The following EBI3 variants were observed in gnomAD, a reference collection of about 807,000 sequenced individuals.
EBI3 encodes interleukin-27 subunit beta.
In EBI3, 19 loss-of-function variants were observed where a neutral mutation model predicts 21.3. That is an observed-to-expected ratio of 0.89 (90% CI 0.62 to 1.31). EBI3 has a LOEUF of 1.31. Ranked by LOEUF, EBI3 falls within the 50% of genes most tolerant of loss-of-function variation. The pLI is 0.00. For synonymous variants in EBI3, 154 were observed against 131.2 expected, an observed-to-expected ratio of 1.17 and a Z score of -1.19; for missense variants, 331 against 314.0, an observed-to-expected ratio of 1.05 and a Z score of -0.41.
chr19:4,232,763 TGAAGGAATGAATTAATGAATG>T (rs1970798341), intron 2 of EBI3, among the ~76,000 whole-genome samples: 1 of 35,898 alleles, frequency 2.8e-5, no homozygotes, highest in South Asian at 1.0e-3. Flanking sequence ...AATGAATGAA[TGAAGGAATGAATTAATGAATG>T]AATGAAGGAA....
chr19:4,234,544 C>A (rs1010780064), intron 3 of EBI3, 123 bp from the exon 4 acceptor site: 2 of 1,450,006 alleles, frequency 1.4e-6, no homozygotes, highest in African/African-American at 2.8e-5. Context: ...GCCTGGGTGA[C>A]AGAGTGAGAC....
At position 4,233,318 on chromosome 19, in the gene EBI3, G is replaced by C. The variant is rs774560043; in HGVS notation, c.379+11G>C. The C allele has an allele frequency of 1.3e-6, 2 of 1,581,276 alleles. No individual in the cohort carries two copies. The highest frequency in any genetic ancestry group is 1.7e-6 in the Non-Finnish European group (2 of 1,165,804). ...TAACAGAGCACATCAGTGAGTGGGG[G>C]CGGCAGTGGGGGCGGGGGCGGGGCT... is the stretch of plus-strand genomic sequence containing the variant. On this transcript the variant is annotated intron_variant, in intron 3 of 4. Coordinates refer to ENST00000221847, the MANE Select transcript of EBI3 (RefSeq NM_005755.3).
Position 4,233,224 on chromosome 19 carries a change from T to A in EBI3, c.296T>A (p.Met99Lys), listed in dbSNP as rs1970807127. 2 of 1,611,716 alleles carry A rather than the reference T, an allele frequency of 1.2e-6. No homozygotes were observed. Among genetic ancestry groups the A allele is most frequent in the Non-Finnish European group, 1.7e-6 (2 of 1,179,262 alleles). Residue 99 changes from methionine (M) to lysine (K), a missense_variant, in exon 3 of 5, where the codon ATG becomes AAG. Physicochemically the swap from Met to Lys is moderately conservative, Grantham distance 95. Transcript: ENST00000221847. ...ATCACGGATGTCCAGCTGTTCTCCA[T>A]GGCTCCCTACGTGCTCAATGTCACC... ...CTITDVQLFS[M>K]APYVLNVTAV...
chr19:4,231,880 A>G (rs1051689230), intron 2 of EBI3, among the ~76,000 whole-genome samples: 5 of 151,996 alleles, frequency 3.3e-5, no homozygotes, highest in Admixed American at 6.6e-5. Flanking sequence ...CAGGAGTTTG[A>G]GTCCAGCTTG....
In EBI3 at chr19:4,236,992, G is replaced by A; in HGVS notation, c.594G>A (p.Arg198=). ...FILRAVRPRA[R]YYVQVAAQDL... is the part of the protein sequence containing the mutation. ...TCAGGGCTGTGCGGCCCCGAGCCAGGTACTACGTCCAAGTGGCGGCTCAGG... is the reference window on the plus strand; with the variant it reads ...TCAGGGCTGTGCGGCCCCGAGCCAGATACTACGTCCAAGTGGCGGCTCAGG... The change falls in exon 5 of 5, where the codon AGG becomes AGA. Residue 198 remains arginine, a synonymous_variant. Coordinates refer to ENST00000221847, the MANE Select transcript of EBI3 (RefSeq NM_005755.3). 1 of 1,583,482 alleles carries A rather than the reference G, an allele frequency of 6.3e-7. No homozygotes were observed. Among genetic ancestry groups the A allele is most frequent in the Non-Finnish European group, 8.6e-7 (1 of 1,161,614 alleles).
chr19:4,233,341 G>T lies in EBI3; in HGVS notation c.379+34G>T, dbSNP rs1370825669. 4 of 1,526,698 alleles carry T rather than the reference G, an allele frequency of 2.6e-6. No individual in the cohort carries two copies. In the East Asian group the frequency reaches 9.6e-5, roughly 37 times the overall value. The allele number at this position is 1,526,698 out of a possible 1,614,324, so 94.6% of individuals were successfully genotyped here. ...GGGCGGCAGTGGGGGCGGGGGCGGG[G>T]CTGCCGTCTCCTTCCAGCTCCCCCC... On this transcript the variant is annotated intron_variant, in intron 3 of 4. Coordinates refer to ENST00000221847, the MANE Select transcript of EBI3 (RefSeq NM_005755.3).
In EBI3 at chr19:4,234,787, TCCGTTA is replaced by T. The variant is rs772279083; in HGVS notation, c.502_507del (p.Arg168_Tyr169del). ...GAGATCTTCTCACTGAAGTACTGGA[TCCGTTA>T]CAAGCGTCAGGGAGCTGCGCGCTTC... On this transcript the variant is annotated inframe_deletion, in exon 4 of 5. Coordinates refer to ENST00000221847, the MANE Select transcript of EBI3 (RefSeq NM_005755.3). The T allele has an allele frequency of 5.6e-6, 9 of 1,614,116 alleles. No individual in the cohort carries two copies. Among genetic ancestry groups the T allele is most frequent in the Non-Finnish European group, 7.6e-6 (9 of 1,180,004 alleles).
intron 2 of EBI3, among the ~76,000 whole-genome samples, chr19:4,232,543 C>T (rs1436204260): frequency 2.7e-5 from 2 of 75,318 alleles, no homozygotes; most frequent in Non-Finnish European, 5.3e-5. Flanking sequence ...CATACTGAGA[C>T]CCCCCCCCAT....
chr19:4,231,307 T>C lies in EBI3; in HGVS notation c.184T>C (p.Phe62Leu). Reference sequence around the variant, plus strand: ...TCCAAACTCCACCAGCCCCGTGTCCTTCATTGCCACGTACAGGTCGGAGAG... The same window carrying C: ...TCCAAACTCCACCAGCCCCGTGTCCCTCATTGCCACGTACAGGTCGGAGAG... ...PAPNSTSPVS[F>L]IATYRLGMAA... is the part of the protein sequence containing the mutation. Residue 62 changes from phenylalanine to leucine, a missense_variant, in exon 2 of 5, where the codon TTC (phenylalanine) becomes CTC (leucine). By Grantham distance (22) the Phe-to-Leu change is conservative. Coordinates refer to ENST00000221847, the MANE Select transcript of EBI3 (RefSeq NM_005755.3). 1.2e-6 allele frequency: 2 copies of C among 1,611,472 alleles called. No individual in the cohort carries two copies. The highest frequency in any genetic ancestry group is 1.7e-6 in the Non-Finnish European group (2 of 1,179,224).
rs79219876 is a variant in EBI3, at chr19:4,234,400, C to T, written c.380-267C>T. ...CCCCTCTGTGGCAGCCCCAGGCACACAGTTTCTCAATAAATATTTGTTGGT... is the reference window on the plus strand; with the variant it reads ...CCCCTCTGTGGCAGCCCCAGGCACATAGTTTCTCAATAAATATTTGTTGGT... On this transcript the variant is annotated intron_variant, in intron 3 of 4. Transcript: ENST00000221847. Among the ~76,000 whole-genome samples, 1,401 of 152,022 alleles carry T rather than the reference C, an allele frequency of 9.2e-3. 34 individuals are homozygous for T. The highest frequency in any genetic ancestry group is 0.032 in the African/African-American group (1,322 of 41,434).
chr19:4,231,416 A>G, intron 2 of EBI3, 93 bp downstream of exon 2: 1 of 1,422,796 alleles, frequency 7.0e-7, no homozygotes, highest in Non-Finnish European at 9.2e-7. Flanking sequence ...GGAAAACTGG[A>G]GACCCCGACA....
At chr19:4,229,916 G>C (rs428253) in intron 1 of EBI3, among the ~76,000 whole-genome samples, 49,721 of 151,876 alleles carry the variant, frequency 0.33, 8,986 homozygotes, top group African/African-American at 0.5. Flanking sequence ...TCATTCCTTT[G>C]GTTTCTTTTT....
intron 2 of EBI3, among the ~76,000 whole-genome samples, 153 bp downstream of exon 2, chr19:4,231,476 A>G (rs971269918): frequency 1.3e-5 from 2 of 152,136 alleles, no homozygotes; most frequent in African/African-American, 4.8e-5. Context: ...TCCAATAGAA[A>G]TATACTTTCT....
Position 4,236,856 on chromosome 19 carries a change from C to T in EBI3, c.538-80C>T, listed in dbSNP as rs1030151850. ...CCTGCAGGGGGCAGGGAGGACTGCA[C>T]GCTCCGTTGTGTGGTTCTGTGCACA... On this transcript the variant is annotated intron_variant, in intron 4 of 4. Coordinates refer to ENST00000221847, the MANE Select transcript of EBI3 (RefSeq NM_005755.3). 1.2e-4 allele frequency: 167 copies of T among 1,386,862 alleles called. No homozygotes were observed. In the African/African-American group the frequency reaches 1.5e-3, roughly 13 times the overall value. 85.9% of individuals were successfully genotyped at this position (1,386,862 alleles called of 1,614,324 possible). A position where few individuals can be genotyped will look rare whatever the true frequency, so the allele number is the denominator to read the frequency against.
Position 4,231,316 on chromosome 19 carries a change from ACGTACAGGT to A in EBI3, c.196_200+4del. On this transcript the variant is annotated splice_donor_variant and coding_sequence_variant, in exon 2 of 5. Transcript: ENST00000221847. LOFTEE classifies it high-confidence loss of function. Reference sequence around the variant, plus strand: ...CACCAGCCCCGTGTCCTTCATTGCCACGTACAGGTCGGAGAGCCTGGAAGGGGGCCTCAG... The same window carrying A: ...CACCAGCCCCGTGTCCTTCATTGCCACGGAGAGCCTGGAAGGGGGCCTCAG... 1.2e-6 allele frequency: 2 copies of A among 1,609,728 alleles called. No homozygotes were observed. The highest frequency in any genetic ancestry group is 1.7e-6 in the Non-Finnish European group (2 of 1,178,686).
chr19:4,229,657 C>T (rs771846424), intron 1 of EBI3, 40 bp downstream of exon 1: 19 of 1,568,480 alleles, frequency 1.2e-5, no homozygotes, highest in East Asian at 4.6e-5. Flanking sequence ...CCCAGGCAGA[C>T]GGACATGACA....
At chr19:4,230,704 T>C (rs1470129307) in intron 1 of EBI3, among the ~76,000 whole-genome samples, 1 of 151,902 alleles carries the variant, frequency 6.6e-6, no homozygotes, top group African/African-American at 2.4e-5. Context: ...GCCAACATGG[T>C]GAAACTCCCT....
At position 4,231,301 on chromosome 19, in the gene EBI3, G is replaced by C. The variant is rs199838595; in HGVS notation, c.178G>C (p.Val60Leu). 1.6e-5 allele frequency: 25 copies of C among 1,611,736 alleles called. No individual in the cohort carries two copies. In the South Asian group the frequency reaches 2.8e-4, roughly 18 times the overall value. The change falls in exon 2 of 5, where the codon GTG (valine) becomes CTG (leucine). Residue 60 changes from valine to leucine, a missense_variant. Coordinates refer to ENST00000221847, the MANE Select transcript of EBI3 (RefSeq NM_005755.3). ...LPPAPNSTSPVSFIATYRLGM... is the reference protein window; with the variant it reads ...LPPAPNSTSPLSFIATYRLGM... Reference sequence around the variant, plus strand: ...GCCTGCTCCAAACTCCACCAGCCCCGTGTCCTTCATTGCCACGTACAGGTC... The same window carrying C: ...GCCTGCTCCAAACTCCACCAGCCCCCTGTCCTTCATTGCCACGTACAGGTC...
chr19:4,234,661 C>T lies in EBI3; in HGVS notation c.380-6C>T, dbSNP rs761416817. The T allele has an allele frequency of 1.5e-5, 24 of 1,609,172 alleles. No individual in the cohort carries two copies. Among genetic ancestry groups the T allele is most frequent in the Middle Eastern group, 1.6e-4 (1 of 6,066 alleles). On this transcript the variant is annotated splice_polypyrimidine_tract_variant and splice_region_variant and intron_variant, in intron 3 of 4. Transcript: ENST00000221847. ...CCCCTGACCCTGCTTCCTGCTTGTC[C>T]GTCAGTCAAGCCCGACCCTCCAGAA...
Sources: gnomAD v4.1 joint callset for allele counts (sites outside exome capture counted in the v4.1 genomes callset) on GRCh38, gnomAD v4.1.1 for gene constraint, MANE v1.5 for transcripts, NCBI Gene and HGNC (gene_info 2026-07-23, HGNC 2026-07-21) for gene names.